EDC3: variants seen among roughly 807,000 people sequenced by gnomAD.
EDC3 encodes enhancer of mRNA-decapping protein 3.
A neutral mutation model predicts 41.8 loss-of-function variants in EDC3; 20 were observed. That is an observed-to-expected ratio of 0.48 (90% CI 0.34 to 0.70). The LOEUF is 0.70. Among genes scored for constraint, EDC3 ranks in the 30% least tolerant of loss-of-function variants. The pLI, the probability that EDC3 is intolerant of heterozygous loss-of-function variation, is 0.01. For missense variants in EDC3, 444 were observed against 636.8 expected (o/e 0.70, Z 3.26); for synonymous variants, 206 against 243.2 (o/e 0.85, Z 1.42).
Position 74,632,821 on chromosome 15 carries a change from G to A in EDC3, c.1318C>T (p.Leu440Phe). Residue 440 changes from leucine to phenylalanine, a missense_variant, in exon 7 of 7, where the codon CTC becomes TTC. By Grantham distance (22) the Leu-to-Phe change is conservative (BLOSUM62 0). This residue lies in a region of EDC3 where 242 missense variants were observed against 363.8 expected (regional missense o/e 0.67). Transcript: ENST00000315127. This position sits in a 1 kb window ranked among gnomAD's most constrained non-coding sequence, Gnocchi z 4.0. ...TCATGCACAGGAGGGTCTATGCTGA[G>A]TACTGGTGCCCGGTTCTGGTTGGCC... ...AWANQNRAPVLSIDPPVHEVE... is the reference protein window; with the variant it reads ...AWANQNRAPVFSIDPPVHEVE... 1 of 1,614,252 alleles carries A rather than the reference G, an allele frequency of 6.2e-7. No homozygotes were observed. The highest frequency in any genetic ancestry group is 1.1e-5 in the South Asian group (1 of 91,086).
At position 74,671,573 on chromosome 15, in the gene EDC3, A is replaced by G; in HGVS notation, c.366T>C (p.Asp122=). The change falls in exon 3 of 7, where the codon GAT becomes GAC. Residue 122 remains aspartate, a synonymous_variant. Coordinates refer to ENST00000315127, the MANE Select transcript of EDC3 (RefSeq NM_025083.5). This position sits in a 1 kb window ranked among gnomAD's most constrained non-coding sequence, Gnocchi z 4.6. The part of the protein sequence containing the change: ...SAPQNIPKRT[D]VKSQDVAVSP... ...AAACGGCAACATCCTGGCTCTTCAC[A>G]TCTGTCCTCTTAGGGATATTCTGAG... The G allele has an allele frequency of 1.2e-6, 2 of 1,614,114 alleles. No homozygotes were observed. Among genetic ancestry groups the G allele is most frequent in the South Asian group, 1.1e-5 (1 of 91,078 alleles).
chr15:74,673,289 TCCATA>T (rs1308596500), intron 2 of EDC3, among the ~76,000 whole-genome samples: 1 of 152,096 alleles, frequency 6.6e-6, no homozygotes, highest in Admixed American at 6.6e-5. Flanking sequence ...ACATTTCGAA[TCCATA>T]CGATTTTGGC....
intron 3 of EDC3, among the ~76,000 whole-genome samples, chr15:74,662,903 A>AG (rs1216022074): frequency 6.6e-6 from 1 of 152,232 alleles, no homozygotes; most frequent in African/African-American, 2.4e-5. Flanking sequence ...GAAAGAATCT[A>AG]GAATCCAAAG....
rs374738335 is a variant in EDC3, at chr15:74,675,009, C to T, written c.116G>A (p.Arg39Gln). The stretch of plus-strand genomic sequence containing the variant: ...ACACTTCACTCCATTATGGAAAGGC[C>T]GGGTGAGAGAAATGGTCTGGCTGAC... Reference protein sequence around the residue: ...DQVSQTISLTRPFHNGVKCLV... With the variant: ...DQVSQTISLTQPFHNGVKCLV... Residue 39 changes from arginine (R) to glutamine (Q), a missense_variant, in exon 2 of 7, where the codon CGG becomes CAG. Around this residue, in one of 3 missense-constraint regions of EDC3, gnomAD observed 200 missense variants for 244.0 expected, o/e 0.82. Transcript: ENST00000315127. 7 of 1,613,948 alleles carry T rather than the reference C, an allele frequency of 4.3e-6. No homozygotes were observed. In the African/African-American group the frequency reaches 5.3e-5, roughly 12 times the overall value.
intron 1 of EDC3, among the ~76,000 whole-genome samples, chr15:74,682,237 G>A (rs1206702496): frequency 1.3e-5 from 2 of 152,124 alleles, no homozygotes; most frequent in African/African-American, 2.4e-5. Flanking sequence ...CATGAGAATC[G>A]CTTGAACCTG....
chr15:74,694,453 A>G (rs899067620), intron 1 of EDC3, among the ~76,000 whole-genome samples: 2 of 152,074 alleles, frequency 1.3e-5, no homozygotes, highest in Admixed American at 6.6e-5. Context: ...GATTATAGGC[A>G]CCCACCACCA....
At chr15:74,677,815 C>G (rs2141662221) in intron 1 of EDC3, among the ~76,000 whole-genome samples, 1 of 152,254 alleles carries the variant, frequency 6.6e-6, no homozygotes, top group Admixed American at 6.5e-5. Context: ...CAGCTTTATT[C>G]AAAATTGCTC....
chr15:74,685,418 T>C (rs2062924164), intron 1 of EDC3, among the ~76,000 whole-genome samples: 2 of 150,872 alleles, frequency 1.3e-5, no homozygotes, highest in African/African-American at 2.5e-5. Context: ...AAAAAGTATA[T>C]AGATAGATAG....
intron 2 of EDC3, 176 bp downstream of exon 2, chr15:74,674,785 C>CG: frequency 1.5e-6 from 1 of 675,504 alleles, no homozygotes; most frequent in East Asian, 2.7e-5. Context: ...GAGGCCACAA[C>CG]GGGCAGATTA....
chr15:74,688,276 A>G (rs556321344), intron 1 of EDC3, among the ~76,000 whole-genome samples: 3 of 152,348 alleles, frequency 2.0e-5, no homozygotes, highest in East Asian at 3.9e-4. Flanking sequence ...TAACACCTCC[A>G]CGTCAAAAGA....
At chr15:74,678,340 T>C (rs2062829748) in intron 1 of EDC3, among the ~76,000 whole-genome samples, 1 of 152,098 alleles carries the variant, frequency 6.6e-6, no homozygotes, top group African/African-American at 2.4e-5. Flanking sequence ...AACAGTGAGA[T>C]ATATGGGAAC....
rs117284884 is a variant in EDC3 at position 74,667,010 on chromosome 15, G to A, written c.484+4445C>T. On this transcript the variant is annotated intron_variant, in intron 3 of 6. Transcript: ENST00000315127. ...AGATGAAAGGCAAAAGAAACAGTAC[G>A]TAAGCACCACATTCTGTTTGATAGT... 1.1e-3 allele frequency among the ~76,000 whole-genome samples: 167 copies of A among 152,180 alleles called. No individual in the cohort carries two copies. The Middle Eastern group carries it at 0.017, about 15-fold the overall frequency.
chr15:74,653,585 G>A (rs887556034), intron 4 of EDC3, among the ~76,000 whole-genome samples: 1 of 152,192 alleles, frequency 6.6e-6, no homozygotes, highest in Non-Finnish European at 1.5e-5. Context: ...ATGGCATGAA[G>A]CTGCTGGGCT....
chr15:74,634,220 C>T (rs530498016), intron 6 of EDC3, among the ~76,000 whole-genome samples: 28 of 152,266 alleles, frequency 1.8e-4, no homozygotes, highest in Middle Eastern at 3.4e-3. Flanking sequence ...TAACCTAGAA[C>T]GGGGCTTGCT....
intron 6 of EDC3, chr15:74,634,975 G>A: frequency 2.3e-6 from 1 of 428,490 alleles, no homozygotes; most frequent in Non-Finnish European, 4.7e-6. Context: ...ACCCTGAAAT[G>A]TCCAAGTCTC....
chr15:74,660,435 G>A (rs1032023608), intron 3 of EDC3, among the ~76,000 whole-genome samples: 3 of 145,868 alleles, frequency 2.1e-5, no homozygotes, highest in African/African-American at 7.9e-5. Context: ...ATATATATAT[G>A]TGTGTGTGTG....
chr15:74,657,245 T>C (rs2062560175), intron 3 of EDC3, among the ~76,000 whole-genome samples: 1 of 152,234 alleles, frequency 6.6e-6, no homozygotes, highest in South Asian at 2.1e-4. Flanking sequence ...TCAGGAGTTG[T>C]AGACACCCCA....
intron 3 of EDC3, among the ~76,000 whole-genome samples, chr15:74,657,470 A>G (rs1221908259): frequency 6.6e-6 from 1 of 152,020 alleles, no homozygotes; most frequent in African/African-American, 2.4e-5. Flanking sequence ...TCTCTCGCAC[A>G]CTCCCTTCTG....
intron 1 of EDC3, among the ~76,000 whole-genome samples, chr15:74,690,227 A>AT (rs1489211298): frequency 6.6e-6 from 1 of 152,192 alleles, no homozygotes; most frequent in African/African-American, 2.4e-5. Flanking sequence ...CATAATCAAG[A>AT]TTTTCCAGAT....
Sources: gnomAD v4.1 joint callset for allele counts (sites outside exome capture counted in the v4.1 genomes callset) on GRCh38, gnomAD v4.1.1 for gene constraint, gnomAD v4.1.1 regional missense constraint, Gnocchi (gnomAD v3.1) non-coding constraint, MANE v1.5 for transcripts, NCBI Gene and HGNC (gene_info 2026-07-23, HGNC 2026-07-21) for gene names.